RAP1GDS1: variants seen among roughly 807,000 people sequenced by gnomAD.
RAP1GDS1 encodes RAP1, GTP-GDP dissociation stimulator 1.
Under a neutral mutation model 71.1 loss-of-function variants are expected in RAP1GDS1, and 35 were observed. The ratio of observed to expected loss-of-function variants is 0.49; its 90% CI spans 0.38 to 0.65. RAP1GDS1 has a LOEUF of 0.65. RAP1GDS1 is among the 30% of genes least tolerant of loss of function. The pLI is 0.00. For synonymous variants in RAP1GDS1, 229 were observed against 243.1 expected, an observed-to-expected ratio of 0.94 and a Z score of 0.54; for missense variants, 663 against 706.1, an observed-to-expected ratio of 0.94 and a Z score of 0.69.
chr4:98,298,829 A>G (rs2110291761), intron 2 of RAP1GDS1, among the ~76,000 whole-genome samples: 1 of 152,330 alleles, frequency 6.6e-6, no homozygotes, highest in Admixed American at 6.5e-5. Flanking sequence ...TGGGCAAACT[A>G]AATTGAAAAC....
At chr4:98,435,694 A>T (rs1405296248) in intron 13 of RAP1GDS1, among the ~76,000 whole-genome samples, 2 of 148,854 alleles carry the variant, frequency 1.3e-5, no homozygotes, top group South Asian at 2.1e-4. Flanking sequence ...TCTTTTAACC[A>T]TTTTTTTTTT....
intron 4 of RAP1GDS1, among the ~76,000 whole-genome samples, chr4:98,370,867 A>G (rs958071552): frequency 6.6e-6 from 1 of 152,026 alleles, no homozygotes; most frequent in South Asian, 2.1e-4. Context: ...CATCGCGCCC[A>G]GCTGTATTGA....
chr4:98,352,382 C>G (rs1737342338), intron 3 of RAP1GDS1, 94 bp from the exon 4 acceptor site: 1 of 1,350,928 alleles, frequency 7.4e-7, no homozygotes, highest in Non-Finnish European at 1.0e-6. Flanking sequence ...TTAAATACCA[C>G]ATATTAAAAG....
chr4:98,352,515 C>T lies in RAP1GDS1; in HGVS notation c.275C>T (p.Ser92Leu). 6.2e-7 allele frequency: 1 copy of T among 1,613,948 alleles called. No individual in the cohort carries two copies. The highest frequency in any genetic ancestry group is 1.3e-5 in the African/African-American group (1 of 75,050). Residue 92 changes from serine (S) to leucine (L), a missense_variant, in exon 4 of 15, where the codon TCA becomes TTA. Transcript: ENST00000408927. ...RIPCVDAGLISPLVQLLNSKD... is the reference protein window; with the variant it reads ...RIPCVDAGLILPLVQLLNSKD... The stretch of plus-strand genomic sequence containing the variant: ...CCATGTGTGGATGCTGGATTGATTT[C>T]ACCACTGGTGCAGCTGCTAAATAGC...
chr4:98,265,658 A>G (rs1722624603), intron 1 of RAP1GDS1, among the ~76,000 whole-genome samples: 2 of 152,178 alleles, frequency 1.3e-5, no homozygotes, highest in Admixed American at 1.3e-4. Flanking sequence ...TGTTCATGGT[A>G]AGAATCTTGA....
chr4:98,341,619 A>G (rs1210314968), intron 2 of RAP1GDS1, among the ~76,000 whole-genome samples: 1 of 152,330 alleles, frequency 6.6e-6, no homozygotes, highest in Admixed American at 6.5e-5. Context: ...AGTATGACCC[A>G]GTGTTCTAAG....
rs940215037 is a variant in RAP1GDS1, at chr4:98,417,427, C to A, written c.968C>A (p.Ser323Tyr). The change falls in exon 9 of 15, where the codon TCT becomes TAT. Residue 323 changes from serine (S) to tyrosine (Y), a missense_variant. Transcript: ENST00000408927. ...GKGSVFQRVL[S>Y]WIPSNNHQLQ... Reference sequence around the variant, plus strand: ...GGTAGTGTATTTCAAAGGGTACTCTCTTGGATCCCATCAAATAACCACCAG... The same window carrying A: ...GGTAGTGTATTTCAAAGGGTACTCTATTGGATCCCATCAAATAACCACCAG... 5 of 1,613,520 alleles carry A rather than the reference C, an allele frequency of 3.1e-6. No homozygotes were observed. The highest frequency in any genetic ancestry group is 1.7e-4 in the Middle Eastern group (1 of 6,060).
intron 2 of RAP1GDS1, among the ~76,000 whole-genome samples, chr4:98,333,195 GAAACAACC>G (rs1410649306): frequency 1.3e-5 from 2 of 151,242 alleles, no homozygotes; most frequent in Admixed American, 1.3e-4. Flanking sequence ...ATCATATTTT[GAAACAACC>G]TTTAACCTCT....
At chr4:98,415,801 A>G (rs1747864784) in intron 7 of RAP1GDS1, among the ~76,000 whole-genome samples, 1 of 152,218 alleles carries the variant, frequency 6.6e-6, no homozygotes, top group African/African-American at 2.4e-5. Context: ...TTTATTATGA[A>G]CATTTTGAAA....
chr4:98,319,571 A>G (rs1484652456), intron 2 of RAP1GDS1, among the ~76,000 whole-genome samples: 1 of 152,040 alleles, frequency 6.6e-6, no homozygotes, highest in Non-Finnish European at 1.5e-5. Flanking sequence ...ACTTGAGGTC[A>G]GGAGTTCAAG....
At chr4:98,299,222 G>T (rs1728219515) in intron 2 of RAP1GDS1, among the ~76,000 whole-genome samples, 1 of 152,152 alleles carries the variant, frequency 6.6e-6, no homozygotes, top group Admixed American at 6.5e-5. Flanking sequence ...CTGTATCCCT[G>T]CAAAGGAGAT....
intron 5 of RAP1GDS1, among the ~76,000 whole-genome samples, chr4:98,383,513 T>C (rs1578673616): frequency 6.6e-6 from 1 of 151,534 alleles, no homozygotes; most frequent in South Asian, 2.1e-4. Flanking sequence ...TTGTAGTTCC[T>C]GAAATCTCTC....
At chr4:98,386,514 G>A (rs1438251988) in intron 5 of RAP1GDS1, among the ~76,000 whole-genome samples, 1 of 150,216 alleles carries the variant, frequency 6.7e-6, no homozygotes, top group Non-Finnish European at 1.5e-5. Flanking sequence ...TAGCGACTAG[G>A]AAGAAATGTA....
At chr4:98,391,894 G>GTTCA in intron 5 of RAP1GDS1, 58 bp from the exon 6 acceptor site, 2 of 1,453,816 alleles carry the variant, frequency 1.4e-6, no homozygotes, top group Non-Finnish European at 1.8e-6. Flanking sequence ...TTCTTATAAT[G>GTTCA]TTCATTTGAC....
chr4:98,350,750 A>G (rs1737059504), intron 3 of RAP1GDS1, among the ~76,000 whole-genome samples: 1 of 152,130 alleles, frequency 6.6e-6, no homozygotes, highest in East Asian at 1.9e-4. Flanking sequence ...AGGCAGAAGA[A>G]TCATTTGAAC....
intron 2 of RAP1GDS1, among the ~76,000 whole-genome samples, chr4:98,293,941 T>G (rs544629575): frequency 3.4e-4 from 52 of 152,248 alleles, no homozygotes; most frequent in Non-Finnish European, 6.2e-4. Context: ...TTTGGAATCT[T>G]ATCATATTTT....
intron 2 of RAP1GDS1, among the ~76,000 whole-genome samples, chr4:98,326,803 G>A (rs1733167487): frequency 6.6e-6 from 1 of 152,152 alleles, no homozygotes; most frequent in African/African-American, 2.4e-5. Flanking sequence ...TGTGAGCCAT[G>A]GTGATTTTGG....
At chr4:98,288,702 T>C (rs1726438015) in intron 1 of RAP1GDS1, among the ~76,000 whole-genome samples, 1 of 152,194 alleles carries the variant, frequency 6.6e-6, no homozygotes, top group Admixed American at 6.5e-5. Context: ...TGTTGTTTCC[T>C]GACTTTTTAA....
chr4:98,303,416 CATT>C (rs1369332710), intron 2 of RAP1GDS1, among the ~76,000 whole-genome samples: 1 of 151,604 alleles, frequency 6.6e-6, no homozygotes, highest in Non-Finnish European at 1.5e-5. Flanking sequence ...GTAAAATAGT[CATT>C]AATAGTTTTA....
Sources: allele counts gnomAD v4.1 joint callset (sites outside exome capture counted in the v4.1 genomes callset), GRCh38; gene constraint gnomAD v4.1.1; transcripts MANE v1.5; gene names NCBI Gene and HGNC (gene_info 2026-07-23, HGNC 2026-07-21).